The following MTSS1 variants were observed in gnomAD, a reference collection of about 807,000 sequenced individuals.
MTSS1 encodes MTSS I-BAR domain containing 1.
Under a neutral mutation model 79.0 loss-of-function variants are expected in MTSS1, and 18 were observed. The observed-to-expected ratio is 0.23, with a 90% CI of 0.16 to 0.34. MTSS1 has a LOEUF of 0.34. Ranked by LOEUF, MTSS1 falls within the 10% of genes least tolerant of loss-of-function variation. MTSS1 has a pLI of 1.00. For missense variants in MTSS1, 815 were observed against 986.2 expected (o/e 0.83, Z 2.33); for synonymous variants, 341 against 368.6 (o/e 0.93, Z 0.86).
At position 124,591,204 on chromosome 8, in the gene MTSS1, G is replaced by A; in HGVS notation, c.240C>T (p.Thr80=). 6.2e-7 allele frequency: 1 copy of A among 1,614,214 alleles called. No individual in the cohort carries two copies. Among genetic ancestry groups the A allele is most frequent in the African/African-American group, 1.3e-5 (1 of 75,058 alleles). ...GGTREIGSAL[T]RMCMRHRSIE... ...TGCTTCTGTGCCTCATGCACATCCT[G>A]GTGAGAGCAGATCCAATCTCCCTGG... Residue 80 remains threonine, a synonymous_variant, in exon 4 of 14, where the codon ACC becomes ACT. Coordinates refer to ENST00000518547, the MANE Select transcript of MTSS1 (RefSeq NM_014751.6).
chr8:124,718,186 TC>T (rs1464535374), intron 1 of MTSS1, among the ~76,000 whole-genome samples: 1 of 151,876 alleles, frequency 6.6e-6, no homozygotes, highest in Non-Finnish European at 1.5e-5. Context: ...TAGTTTTTCT[TC>T]CATTAACTTT....
intron 3 of MTSS1, among the ~76,000 whole-genome samples, chr8:124,615,443 T>C (rs1294760088): frequency 6.6e-6 from 1 of 152,058 alleles, no homozygotes; most frequent in African/African-American, 2.4e-5. Context: ...TCTGAGGACA[T>C]AATGCTAAGT....
chr8:124,656,805 A>G (rs917869748), intron 3 of MTSS1, among the ~76,000 whole-genome samples: 1 of 151,656 alleles, frequency 6.6e-6, no homozygotes, highest in Non-Finnish European at 1.5e-5. Context: ...AAAAAGAAAA[A>G]AGAAAAAAAG....
At chr8:124,674,514 C>T (rs1824914915) in intron 3 of MTSS1, among the ~76,000 whole-genome samples, 1 of 151,880 alleles carries the variant, frequency 6.6e-6, no homozygotes, top group Non-Finnish European at 1.5e-5. Context: ...CCTGGTTATT[C>T]TTATATTTTT....
At chr8:124,694,294 G>A (rs1828445818) in intron 3 of MTSS1, among the ~76,000 whole-genome samples, 1 of 151,752 alleles carries the variant, frequency 6.6e-6, no homozygotes, top group Admixed American at 6.6e-5. Context: ...TGTCAGCAAG[G>A]GCCTTTGAAG....
chr8:124,569,630 C>A (rs4870905), intron 6 of MTSS1, among the ~76,000 whole-genome samples: 43,615 of 151,896 alleles, frequency 0.29, 6,611 homozygotes, highest in South Asian at 0.38. Context: ...CAGAGAGATA[C>A]TTCCTAAACT....
At chr8:124,577,039 C>T (rs1010211162) in intron 6 of MTSS1, among the ~76,000 whole-genome samples, 3 of 152,164 alleles carry the variant, frequency 2.0e-5, no homozygotes, top group Non-Finnish European at 4.4e-5. Context: ...ATTCTGAGAC[C>T]AGAGTAGTGG....
At chr8:124,609,629 G>A (rs1835441415) in intron 3 of MTSS1, among the ~76,000 whole-genome samples, 1 of 152,176 alleles carries the variant, frequency 6.6e-6, no homozygotes, top group South Asian at 2.1e-4. Flanking sequence ...AGACTAAGGG[G>A]ACCAAGTGCA....
chr8:124,575,118 T>C (rs976612589), intron 6 of MTSS1, among the ~76,000 whole-genome samples: 4 of 152,206 alleles, frequency 2.6e-5, no homozygotes, highest in Non-Finnish European at 5.9e-5. Flanking sequence ...CACTGGAGAT[T>C]AGAATTTGGA....
chr8:124,563,245 C>A (rs1031695643), intron 9 of MTSS1: 24 of 510,900 alleles, frequency 4.7e-5, no homozygotes, highest in Middle Eastern at 5.3e-4. Context: ...GGACTCAGGT[C>A]TCCGATGGTA....
rs1826433755 is a variant in MTSS1 at position 124,683,295 on chromosome 8, C to CA, written c.208+16230dup. 6.6e-6 allele frequency among the ~76,000 whole-genome samples: 1 copy of CA among 152,060 alleles called. No individual in the cohort carries two copies. The highest frequency in any genetic ancestry group is 2.1e-4 in the South Asian group (1 of 4,820). ...AAAAATGGAAGAAAAACAATGACCC[C>CA]AAAATCCTCATTCAAGGAATTGTGA... On this transcript the variant is annotated intron_variant, in intron 3 of 13. Coordinates refer to ENST00000518547, the MANE Select transcript of MTSS1 (RefSeq NM_014751.6). This position sits in a 1 kb window ranked among gnomAD's most constrained non-coding sequence, Gnocchi z 4.5.
At chr8:124,573,465 C>T (rs779779803) in intron 6 of MTSS1, among the ~76,000 whole-genome samples, 2 of 152,256 alleles carry the variant, frequency 1.3e-5, no homozygotes, top group Non-Finnish European at 2.9e-5. Flanking sequence ...GTCAGTCTCC[C>T]CTAGTCAGGG....
chr8:124,555,655 T>C (rs1586754437), intron 13 of MTSS1, 87 bp downstream of exon 13: 1 of 1,396,438 alleles, frequency 7.2e-7, no homozygotes, highest in Non-Finnish European at 9.6e-7. Flanking sequence ...GAGTGGTGGG[T>C]TGTGGTTAAA....
At chr8:124,561,801 C>A (rs920577371) in intron 10 of MTSS1, among the ~76,000 whole-genome samples, 24 of 152,224 alleles carry the variant, frequency 1.6e-4, no homozygotes, top group Non-Finnish European at 3.1e-4. Context: ...GAGCTCCTTA[C>A]AGACCAAGCC....
rs1358391965 is a variant in MTSS1 at position 124,557,778 on chromosome 8, A to T, written c.1133T>A (p.Leu378Gln). ...GTGGACAGAGGTGACCCGAGGGAGCAGGCGGGAGGCAGGCAGGCAATGAGG... is the reference window on the plus strand; with the variant it reads ...GTGGACAGAGGTGACCCGAGGGAGCTGGCGGGAGGCAGGCAGGCAATGAGG... ...LFPHCLPASR[L>Q]LPRVTSVHLP... is the part of the protein sequence containing the mutation. Residue 378 changes from leucine (L) to glutamine (Q), a missense_variant, in exon 11 of 14, where the codon CTG (leucine) becomes CAG (glutamine). Physicochemically the swap from Leu to Gln is moderately radical, Grantham distance 113 (BLOSUM62 -2). This residue lies in a region of MTSS1 where 590 missense variants were observed against 620.8 expected (regional missense o/e 0.95). Transcript: ENST00000518547. 5.0e-6 allele frequency: 8 copies of T among 1,605,822 alleles called. No individual in the cohort carries two copies. Among genetic ancestry groups the T allele is most frequent in the South Asian group, 1.1e-5 (1 of 89,336 alleles).
chr8:124,629,924 C>T (rs1815580721), intron 3 of MTSS1, among the ~76,000 whole-genome samples: 1 of 152,190 alleles, frequency 6.6e-6, no homozygotes, highest in Non-Finnish European at 1.5e-5. Context: ...GGAGCTACTG[C>T]CCAGTGGCTG....
intron 3 of MTSS1, 153 bp downstream of exon 3, chr8:124,699,373 A>G: frequency 1.6e-6 from 1 of 639,736 alleles, no homozygotes; most frequent in Non-Finnish European, 2.7e-6. Flanking sequence ...GCAACTTCTA[A>G]TATGTGGAAT....
At chr8:124,670,698 G>A (rs1387271924) in intron 3 of MTSS1, among the ~76,000 whole-genome samples, 2 of 152,066 alleles carry the variant, frequency 1.3e-5, no homozygotes, top group African/African-American at 4.8e-5. Flanking sequence ...TTTAGACTGG[G>A]GCAGTGAAGT....
intron 3 of MTSS1, among the ~76,000 whole-genome samples, chr8:124,617,219 A>T (rs9987267): frequency 0.31 from 47,449 of 152,012 alleles, 10,165 homozygotes; most frequent in African/African-American, 0.6. Flanking sequence ...AGGCGGGGCA[A>T]CTCTTTCTTT....
Sources: allele counts gnomAD v4.1 joint callset (sites outside exome capture counted in the v4.1 genomes callset), GRCh38; gene constraint gnomAD v4.1.1; regional missense constraint gnomAD v4.1.1; non-coding constraint Gnocchi (gnomAD v3.1); transcripts MANE v1.5; gene names NCBI Gene and HGNC (gene_info 2026-07-23, HGNC 2026-07-21).